WNT3: variants seen among roughly 807,000 people sequenced by gnomAD.
The protein encoded by WNT3 is Wnt family member 3.
In WNT3, 7 loss-of-function variants were observed where a neutral mutation model predicts 34.2. The observed-to-expected ratio is 0.20, with a 90% confidence interval of 0.12 to 0.38. WNT3 has a LOEUF of 0.38. Ranked by LOEUF, WNT3 falls within the 10% of genes least tolerant of loss-of-function variation. The pLI is 1.00. For synonymous variants in WNT3, 212 were observed against 211.5 expected, an observed-to-expected ratio of 1.00 and a Z score of -0.02; for missense variants, 267 against 499.8, an observed-to-expected ratio of 0.53 and a Z score of 4.44.
At chr17:46,788,740 C>T (rs938652181) in intron 1 of WNT3, among the ~76,000 whole-genome samples, 2 of 147,340 alleles carry the variant, frequency 1.4e-5, no homozygotes, top group South Asian at 2.1e-4. Context: ...AGTGGCCCTG[C>T]GAGGACCTCC....
intron 1 of WNT3, among the ~76,000 whole-genome samples, chr17:46,816,600 C>A (rs2084353387): frequency 6.6e-6 from 1 of 152,084 alleles, no homozygotes; most frequent in South Asian, 2.1e-4. Flanking sequence ...TATGTTAGGG[C>A]CAATGTCTTG....
intron 3 of WNT3, among the ~76,000 whole-genome samples, chr17:46,769,326 AAAAAAAGAAAAG>A (rs2059342352): frequency 6.6e-6 from 1 of 152,050 alleles, no homozygotes; most frequent in African/African-American, 2.4e-5. Context: ...AAAAAAAAAA[AAAAAAAGAAAAG>A]AAAAAGAAAA....
intron 1 of WNT3, among the ~76,000 whole-genome samples, chr17:46,807,534 C>T (rs936361286): frequency 3.9e-5 from 6 of 152,134 alleles, no homozygotes; most frequent in African/African-American, 1.2e-4. Flanking sequence ...CTGGAATTCT[C>T]ATAACTCAAA....
intron 1 of WNT3, among the ~76,000 whole-genome samples, chr17:46,796,339 C>T (rs1203581046): frequency 6.6e-6 from 1 of 152,168 alleles, no homozygotes; most frequent in Non-Finnish European, 1.5e-5. Context: ...TCCTCTATGC[C>T]AGGCACTGTT....
In WNT3 at chr17:46,818,586, G is replaced by C; in HGVS notation, c.12C>G (p.His4Gln). 1 of 1,602,304 alleles carries C rather than the reference G, an allele frequency of 6.2e-7. No individual in the cohort carries two copies. The highest frequency in any genetic ancestry group is 8.5e-7 in the Non-Finnish European group (1 of 1,175,128). Residue 4 changes from histidine to glutamine, a missense_variant, in exon 1 of 5, where the codon CAC becomes CAG. By Grantham distance (24) the His-to-Gln change is conservative. Transcript: ENST00000225512. MEP[H>Q]LLGLLLGLLL... ...GGAGGCCGAGGAGCAGCCCGAGCAGGTGGGGCTCCATTAGAAGAGGCGCCG... is the reference window on the plus strand; with the variant it reads ...GGAGGCCGAGGAGCAGCCCGAGCAGCTGGGGCTCCATTAGAAGAGGCGCCG...
At chr17:46,790,493 G>A (rs996581959) in intron 1 of WNT3, among the ~76,000 whole-genome samples, 2 of 152,058 alleles carry the variant, frequency 1.3e-5, no homozygotes, top group Admixed American at 6.6e-5. Flanking sequence ...CTAGGTCACA[G>A]ACAGGGCTGG....
At chr17:46,816,836 C>T (rs1402147408) in intron 1 of WNT3, among the ~76,000 whole-genome samples, 1 of 152,142 alleles carries the variant, frequency 6.6e-6, no homozygotes, top group East Asian at 1.9e-4. Flanking sequence ...GAAAGCAAGG[C>T]GAAAAACGGC....
chr17:46,769,700 G>A, intron 3 of WNT3, 83 bp downstream of exon 3: 1 of 1,565,892 alleles, frequency 6.4e-7, no homozygotes, highest in South Asian at 1.1e-5. Context: ...CTGCCGGAAG[G>A]GGTGAGGTGG....
chr17:46,816,473 A>ACG (rs1364316213), intron 1 of WNT3, among the ~76,000 whole-genome samples: 66 of 77,434 alleles, frequency 8.5e-4, no homozygotes, highest in African/African-American at 2.3e-3. Context: ...CCCAGAACAC[A>ACG]CGCACACACA....
chr17:46,767,197 G>T (rs1021695039), intron 4 of WNT3, among the ~76,000 whole-genome samples: 1 of 152,052 alleles, frequency 6.6e-6, no homozygotes. Flanking sequence ...AGTGCATAGC[G>T]CCTCCCATGC....
Position 46,768,211 on chromosome 17 carries a change from G to A in WNT3, c.*8+101C>T, listed in dbSNP as rs1175038178. On this transcript the variant is annotated intron_variant, in intron 4 of 4. Transcript: ENST00000225512. This position sits in a 1 kb window ranked among gnomAD's most constrained non-coding sequence, Gnocchi z 5.0. ...TGTGGGAACTTGTGTGTCTTGGATA[G>A]CTTAGAAACAGAAGGGGGTCGTCAA... 1.3e-6 allele frequency: 2 copies of A among 1,536,600 alleles called. No homozygotes were observed. Among genetic ancestry groups the A allele is most frequent in the African/African-American group, 1.4e-5 (1 of 73,348 alleles).
chr17:46,814,820 G>A (rs887199710), intron 1 of WNT3, among the ~76,000 whole-genome samples: 9 of 152,226 alleles, frequency 5.9e-5, no homozygotes, highest in African/African-American at 2.2e-4. Flanking sequence ...AGGTGGGAGT[G>A]GGTGGGAGAG....
Position 46,769,763 on chromosome 17 carries a change from G to C in WNT3, c.588+20C>G. 1 of 1,607,812 alleles carries C rather than the reference G, an allele frequency of 6.2e-7. No homozygotes were observed. ...GGGGGGCTGCTCCCTGAAGGGTTTG[G>C]GGAGGGTAGCCGGGCTCACCGTGCG... is the stretch of plus-strand genomic sequence containing the variant. On this transcript the variant is annotated intron_variant, in intron 3 of 4. Coordinates refer to ENST00000225512, the MANE Select transcript of WNT3 (RefSeq NM_030753.5).
intron 1 of WNT3, among the ~76,000 whole-genome samples, chr17:46,808,258 G>T (rs1473187820): frequency 1.3e-5 from 2 of 152,202 alleles, no homozygotes; most frequent in Non-Finnish European, 2.9e-5. Context: ...TGCAATCCCA[G>T]CTTGAGGACA....
chr17:46,807,380 G>A (rs963373887), intron 1 of WNT3, among the ~76,000 whole-genome samples: 1 of 152,214 alleles, frequency 6.6e-6, no homozygotes, highest in Non-Finnish European at 1.5e-5. Context: ...TACTTGGGAG[G>A]CTGAGGCAGG....
At chr17:46,796,007 G>A (rs2084049190) in intron 1 of WNT3, among the ~76,000 whole-genome samples, 1 of 152,134 alleles carries the variant, frequency 6.6e-6, no homozygotes, top group African/African-American at 2.4e-5. Context: ...AACTGATCAG[G>A]TTGTCGGCAG....
In WNT3 at chr17:46,773,667, C is replaced by G; in HGVS notation, c.322+1G>C. On this transcript the variant is annotated splice_donor_variant, in intron 2 of 4. Transcript: ENST00000225512. LOFTEE classifies it high-confidence loss of function. The stretch of plus-strand genomic sequence containing the variant: ...CCCCCCCCTCAGCCCCAAGGCAGTA[C>G]CTTTGTCGAGGACGGGCCCAAAGAT... The G allele has an allele frequency of 7.9e-7, 1 of 1,270,566 alleles. No homozygotes were observed. The highest frequency in any genetic ancestry group is 1.1e-6 in the Non-Finnish European group (1 of 947,260). The allele number at this position is 1,270,566 out of a possible 1,614,324, so 78.7% of individuals were successfully genotyped here. A position where few individuals can be genotyped will look rare whatever the true frequency, so the allele number is the denominator to read the frequency against.
At chr17:46,786,734 C>T (rs1250935612) in intron 1 of WNT3, among the ~76,000 whole-genome samples, 2 of 152,132 alleles carry the variant, frequency 1.3e-5, no homozygotes, top group African/African-American at 4.8e-5. Context: ...CATCAAGGCC[C>T]AGAGGCCTAC....
In WNT3 at chr17:46,773,801, G is replaced by A. The variant is rs1398331246; in HGVS notation, c.189C>T (p.Ile63=). Residue 63 remains isoleucine (I), a synonymous_variant, in exon 2 of 5, where the codon ATC becomes ATT. Transcript: ENST00000225512. ...CCTCGGCCACGCTGGGCATGATCTC[G>A]ATGTAATTGCGGCAGAAGCGCAGTT... ...PKQLRFCRNY[I]EIMPSVAEGV... 3.1e-6 allele frequency: 5 copies of A among 1,613,470 alleles called. No homozygotes were observed. The highest frequency in any genetic ancestry group is 2.2e-5 in the East Asian group (1 of 44,894).
Sources: gnomAD v4.1 joint callset for allele counts (sites outside exome capture counted in the v4.1 genomes callset) on GRCh38, gnomAD v4.1.1 for gene constraint, Gnocchi (gnomAD v3.1) non-coding constraint, MANE v1.5 for transcripts, NCBI Gene and HGNC (gene_info 2026-07-23, HGNC 2026-07-21) for gene names.